FRY: variants seen among roughly 807,000 people sequenced by gnomAD.
The protein encoded by FRY is FRY microtubule binding protein.
FRY carries 128 observed loss-of-function variants against 348.4 expected under a neutral mutation model. The ratio of observed to expected loss-of-function variants is 0.37; its 90% CI spans 0.32 to 0.43. The LOEUF is 0.43. Among genes scored for constraint, FRY ranks in the 20% least tolerant of loss-of-function variants. FRY has a pLI of 1.00. For missense variants in FRY, 2,736 were observed against 3,695.2 expected (o/e 0.74, Z 6.73); for synonymous variants, 1,370 against 1,374.7 (o/e 1.00, Z 0.08).
intron 41 of FRY, among the ~76,000 whole-genome samples, chr13:32,232,288 G>A (rs910038832): frequency 2.0e-5 from 3 of 152,204 alleles, no homozygotes; most frequent in Non-Finnish European, 4.4e-5. Context: ...CTGAATTCTT[G>A]GAGGGTACTT....
chr13:32,134,847 T>C lies in FRY; in HGVS notation c.886-57T>C. 1.2e-5 allele frequency: 12 copies of C among 1,020,536 alleles called. No homozygotes were observed. In the South Asian group the frequency reaches 1.5e-4, roughly 13 times the overall value. 63.2% of individuals were successfully genotyped at this position (1,020,536 alleles called of 1,614,324 possible). ...ACTTACTGAAACTTGTTTAAATACA[T>C]TCTATGTGTACATTTCAACCTACTC... On this transcript the variant is annotated intron_variant, in intron 8 of 60. Transcript: ENST00000542859.
At chr13:32,245,238 C>T (rs1384376750) in intron 47 of FRY, among the ~76,000 whole-genome samples, 1 of 152,050 alleles carries the variant, frequency 6.6e-6, no homozygotes. Context: ...TGAGCCACCA[C>T]GTCCAGCCCA....
At chr13:32,041,440 C>G (rs756603179) in intron 1 of FRY, among the ~76,000 whole-genome samples, 1 of 151,820 alleles carries the variant, frequency 6.6e-6, no homozygotes, top group Non-Finnish European at 1.5e-5. Flanking sequence ...ATTACAGGTG[C>G]CCGCCACCAT....
At chr13:32,217,484 C>A (rs9525969) in intron 35 of FRY, among the ~76,000 whole-genome samples, 37,816 of 152,032 alleles carry the variant, frequency 0.25, 5,242 homozygotes, top group African/African-American at 0.36. Context: ...TCTCAAACAT[C>A]CTTTCTTTTG....
At chr13:32,116,354 T>G (rs1224231381) in intron 3 of FRY, among the ~76,000 whole-genome samples, 1 of 152,230 alleles carries the variant, frequency 6.6e-6, no homozygotes, top group African/African-American at 2.4e-5. Flanking sequence ...TAGTTTTACA[T>G]ATTCTGGAGA....
intron 1 of FRY, among the ~76,000 whole-genome samples, chr13:32,038,006 C>A (rs1265392419): frequency 1.3e-5 from 2 of 152,150 alleles, no homozygotes; most frequent in East Asian, 3.8e-4. Flanking sequence ...TGGTACTAAA[C>A]CTTACATTTA....
At chr13:32,164,066 C>T (rs1304886041) in intron 17 of FRY, among the ~76,000 whole-genome samples, 2 of 152,074 alleles carry the variant, frequency 1.3e-5, no homozygotes. Context: ...CTAGAGTAAG[C>T]GACCTGCACA....
chr13:32,289,883 A>G (rs1017132955), intron 59 of FRY, 140 bp downstream of exon 59: 3 of 692,506 alleles, frequency 4.3e-6, no homozygotes, highest in Non-Finnish European at 8.1e-6. Flanking sequence ...TCTGAAATAA[A>G]CATGTCTTGT....
At chr13:32,051,845 C>T (rs565188754) in intron 1 of FRY, among the ~76,000 whole-genome samples, 1 of 152,220 alleles carries the variant, frequency 6.6e-6, no homozygotes, top group East Asian at 1.9e-4. Flanking sequence ...ATGAAGATGT[C>T]AGTATAGGAG....
Position 32,173,485 on chromosome 13 carries a change from G to A in FRY, c.2270G>A (p.Arg757His), listed in dbSNP as rs767209890. 87 of 1,613,360 alleles carry A rather than the reference G, an allele frequency of 5.4e-5. 2 individuals carry two copies. Among genetic ancestry groups the A allele is most frequent in the East Asian group, 3.1e-4 (14 of 44,888 alleles). ...VLLCSFQVAT[R>H]KLSVLILKEI... ...CTCTGCAGTTTCCAGGTGGCCACAC[G>A]CAAACTGTCCGTTTTAATACTCAAG... Residue 757 changes from arginine to histidine, a missense_variant, in exon 19 of 61, where the codon CGC (arginine) becomes CAC (histidine). This residue lies in a region of FRY where 449 missense variants were observed against 576.9 expected (regional missense o/e 0.78). Transcript: ENST00000542859.
rs569033905 is a variant in FRY, at chr13:32,241,255, G to T, written c.6687+1374G>T. Among the ~76,000 whole-genome samples the T allele has an allele frequency of 2.2e-3, 341 of 151,766 alleles. 1 individual carries two copies. The highest frequency in any genetic ancestry group is 7.9e-3 in the African/African-American group (327 of 41,340). On this transcript the variant is annotated intron_variant, in intron 46 of 60. Transcript: ENST00000542859. Reference sequence around the variant, plus strand: ...ATAGCAAGGAGGTAACATTTGTCTGGCTCAGTAACCATAAGAAGTTTCAAA... The same window carrying T: ...ATAGCAAGGAGGTAACATTTGTCTGTCTCAGTAACCATAAGAAGTTTCAAA...
intron 1 of FRY, 52 bp from the exon 2 acceptor site, chr13:32,078,782 A>G: frequency 1.6e-6 from 2 of 1,282,106 alleles, no homozygotes; most frequent in South Asian, 2.4e-5. Flanking sequence ...AGTCCATCTG[A>G]ATATTTATGA....
intron 51 of FRY, 22 bp downstream of exon 51, chr13:32,254,416 A>G (rs2157961): frequency 0.56 from 893,244 of 1,603,550 alleles, 253,601 homozygotes; most frequent in Middle Eastern, 0.6. Flanking sequence ...TCTCTGTAAA[A>G]ATAATCCCCG....
chr13:32,265,522 C>T lies in FRY; in HGVS notation c.7852C>T (p.Pro2618Ser). ...TCTTTCTAGTTCCATCAATGAACTC[C>T]CAGCAGCTTTTGAATGCAGCGACAG... Reference protein sequence around the residue: ...DDLSSSINELPAAFECSDSFS... With the variant: ...DDLSSSINELSAAFECSDSFS... The change falls in exon 54 of 61, where the codon CCA (proline) becomes TCA (serine). Residue 2618 changes from proline to serine, a missense_variant. Physicochemically the swap from Pro to Ser is moderately conservative, Grantham distance 74 (BLOSUM62 -1). Around this residue, in one of 9 missense-constraint regions of FRY, gnomAD observed 789 missense variants for 996.2 expected, o/e 0.79. Coordinates refer to ENST00000542859, the MANE Select transcript of FRY (RefSeq NM_023037.3). 1.2e-6 allele frequency: 2 copies of T among 1,614,122 alleles called. No homozygotes were observed. The highest frequency in any genetic ancestry group is 2.7e-5 in the African/African-American group (2 of 75,016).
At chr13:32,173,826 A>C (rs775697723) in intron 19 of FRY, among the ~76,000 whole-genome samples, 1 of 152,224 alleles carries the variant, frequency 6.6e-6, no homozygotes, top group Non-Finnish European at 1.5e-5. Context: ...GCTATGAATC[A>C]TTTCCTTCAC....
At chr13:32,156,923 A>G (rs1881152777) in intron 15 of FRY, among the ~76,000 whole-genome samples, 1 of 152,230 alleles carries the variant, frequency 6.6e-6, no homozygotes, top group Non-Finnish European at 1.5e-5. Context: ...CTTTATTTAC[A>G]TAATCACTAA....
chr13:32,205,202 CAAAAAAAAA>C (rs35930899), intron 31 of FRY, among the ~76,000 whole-genome samples: 1 of 77,862 alleles, frequency 1.3e-5, no homozygotes. Flanking sequence ...GACTCTGTCT[CAAAAAAAAA>C]AAAAAAAAAA....
At chr13:32,082,444 A>G (rs1178036764) in intron 2 of FRY, among the ~76,000 whole-genome samples, 4 of 152,208 alleles carry the variant, frequency 2.6e-5, no homozygotes, top group Non-Finnish European at 5.9e-5. Context: ...TCTTATCATT[A>G]TTTCACCTTT....
intron 36 of FRY, among the ~76,000 whole-genome samples, chr13:32,220,297 G>A (rs561785690): frequency 6.6e-6 from 1 of 152,206 alleles, no homozygotes; most frequent in South Asian, 2.1e-4. Flanking sequence ...TGCACAGACA[G>A]GCAGTTCTCT....
Sources: gnomAD v4.1 joint callset for allele counts (sites outside exome capture counted in the v4.1 genomes callset) on GRCh38, gnomAD v4.1.1 for gene constraint, gnomAD v4.1.1 regional missense constraint, MANE v1.5 for transcripts, NCBI Gene and HGNC (gene_info 2026-07-23, HGNC 2026-07-21) for gene names.